Variants in RIPK4 observed in about 807,000 individuals in gnomAD.
The protein encoded by RIPK4 is receptor-interacting serine/threonine-protein kinase 4.
In RIPK4, 17 loss-of-function variants were observed where a neutral mutation model predicts 42.9. The ratio of observed to expected loss-of-function variants is 0.40; its 90% CI spans 0.27 to 0.59. The LOEUF is 0.59. RIPK4 is among the 20% of genes least tolerant of loss of function. RIPK4 has a pLI of 0.47. For missense variants in RIPK4, 897 were observed against 1,104.4 expected (o/e 0.81, Z 2.66); for synonymous variants, 498 against 499.1 (o/e 1.00, Z 0.03).
chr21:41,765,554 G>A (rs1042549680), intron 1 of RIPK4, among the ~76,000 whole-genome samples: 8 of 152,246 alleles, frequency 5.3e-5, no homozygotes, highest in Non-Finnish European at 1.2e-4. Context: ...CATCCACAGA[G>A]GCGTCACAGT....
chr21:41,766,874 C>T lies in RIPK4; in HGVS notation c.168G>A (p.Leu56=). 1.2e-6 allele frequency: 2 copies of T among 1,609,536 alleles called. No homozygotes were observed. The highest frequency in any genetic ancestry group is 2.7e-5 in the African/African-American group (2 of 74,470). Residue 56 remains leucine, a synonymous_variant, in exon 1 of 8, where the codon CTG becomes CTA. Transcript: ENST00000332512. ...TWLAIKCSPS[L]HVDDRERMEL... is the part of the protein sequence containing the mutation. ...GGGCCGCTCACCTGTCGTCGACGTGCAGGCTGGGCGAGCACTTGATGGCCA... is the reference window on the plus strand; with the variant it reads ...GGGCCGCTCACCTGTCGTCGACGTGTAGGCTGGGCGAGCACTTGATGGCCA...
rs751915794 is a variant in RIPK4, at chr21:41,744,103, G to A, written c.974C>T (p.Thr325Ile). 5.0e-6 allele frequency: 8 copies of A among 1,606,830 alleles called. No individual in the cohort carries two copies. In the Admixed American group the frequency reaches 1.0e-4, roughly 20 times the overall value. The change falls in exon 7 of 8, where the codon ACC becomes ATC. Residue 325 changes from threonine to isoleucine, a missense_variant. Physicochemically the swap from Thr to Ile is moderately conservative, Grantham distance 89. Transcript: ENST00000332512. Reference sequence around the variant, plus strand: ...GGAGAGGCTGTAGTCGTTATCGAAGGTGGGGGCAGAGGCCCGCTTGAGCCT... The same window carrying A: ...GGAGAGGCTGTAGTCGTTATCGAAGATGGGGGCAGAGGCCCGCTTGAGCCT... ...PARLKRASAP[T>I]FDNDYSLSEL...
chr21:41,746,637 G>T lies in RIPK4; in HGVS notation c.808C>A (p.Pro270Thr). The T allele has an allele frequency of 6.2e-7, 1 of 1,610,518 alleles. No individual in the cohort carries two copies. Among genetic ancestry groups the T allele is most frequent in the Non-Finnish European group, 8.5e-7 (1 of 1,179,770 alleles). Residue 270 changes from proline to threonine, a missense_variant, in exon 5 of 8, where the codon CCG (proline) becomes ACG (threonine). Transcript: ENST00000332512. ...RLMQRCWQGD[P>T]RVRPTFQEIT... ...CCTTGGAAGGTGGGCCTAACTCGCG[G>T]ATCCCCCTGCCAGCACCGCTGCATG...
At chr21:41,744,178 G>A (rs764773500) in intron 6 of RIPK4, 38 bp from the exon 7 acceptor site, 1 of 1,524,350 alleles carries the variant, frequency 6.6e-7, no homozygotes, top group Non-Finnish European at 8.8e-7. Context: ...TGAAGACCCT[G>A]CCATAGACCG....
At chr21:41,765,526 G>A (rs2061233387) in intron 1 of RIPK4, among the ~76,000 whole-genome samples, 1 of 151,814 alleles carries the variant, frequency 6.6e-6, no homozygotes, top group African/African-American at 2.4e-5. Flanking sequence ...AAAATGCAAA[G>A]GGAGAGGACA....
chr21:41,741,534 C>T lies in RIPK4; in HGVS notation c.1659G>A (p.Val553=). The change falls in exon 8 of 8, where the codon GTG becomes GTA. Residue 553 remains valine, a synonymous_variant. Coordinates refer to ENST00000332512, the MANE Select transcript of RIPK4 (RefSeq NM_020639.3). ...VACQHGQENI[V]RILLRRGVDV... ...CCACGCCTCGGCGCAGCAGGATGCG[C>T]ACGATATTCTCCTGCCCGTGCTGGC... The T allele has an allele frequency of 6.2e-7, 1 of 1,612,396 alleles. No individual in the cohort carries two copies. The highest frequency in any genetic ancestry group is 8.5e-7 in the Non-Finnish European group (1 of 1,180,002).
At chr21:41,743,127 G>C (rs1467500591) in intron 7 of RIPK4, among the ~76,000 whole-genome samples, 1 of 152,116 alleles carries the variant, frequency 6.6e-6, no homozygotes, top group Non-Finnish European at 1.5e-5. Context: ...CGAGATTGCA[G>C]CCTTGGCCCT....
At chr21:41,754,456 C>A (rs1003235714) in intron 2 of RIPK4, among the ~76,000 whole-genome samples, 2 of 152,206 alleles carry the variant, frequency 1.3e-5, no homozygotes, top group African/African-American at 4.8e-5. Context: ...GTCCCAGGGG[C>A]ACCACACAGA....
chr21:41,755,194 G>A lies in RIPK4; in HGVS notation c.474+1331C>T, dbSNP rs1008996353. 2.6e-5 allele frequency among the ~76,000 whole-genome samples: 4 copies of A among 152,174 alleles called. No homozygotes were observed. Among genetic ancestry groups the A allele is most frequent in the African/African-American group, 9.7e-5 (4 of 41,434 alleles). On this transcript the variant is annotated intron_variant, in intron 2 of 7. Coordinates refer to ENST00000332512, the MANE Select transcript of RIPK4 (RefSeq NM_020639.3). The surrounding 1 kb of genome is among the most constrained non-coding windows in gnomAD (Gnocchi z 4.2). ...GGGTCCCAGAACATAAGCAGATGCG[G>A]GAAACCACCAGAGAGCCCGTTCAAG...
At position 41,741,038 on chromosome 21, in the gene RIPK4, C is replaced by G. The variant is rs1371859857; in HGVS notation, c.2155G>C (p.Val719Leu). 8 of 1,609,584 alleles carry G rather than the reference C, an allele frequency of 5.0e-6. No individual in the cohort carries two copies. Among genetic ancestry groups the G allele is most frequent in the Non-Finnish European group, 5.9e-6 (7 of 1,179,284 alleles). Residue 719 changes from valine (V) to leucine (L), a missense_variant, in exon 8 of 8, where the codon GTG (valine) becomes CTG (leucine). Coordinates refer to ENST00000332512, the MANE Select transcript of RIPK4 (RefSeq NM_020639.3). ...ACATCGGCGCTGACCAACTCCTCCA[C>G]CACCTCCGAGTGCCCGTGGGCGGCA... ...LAAAHGHSEV[V>L]EELVSADVID...
chr21:41,760,722 C>G (rs548516370), intron 1 of RIPK4, among the ~76,000 whole-genome samples: 1 of 151,726 alleles, frequency 6.6e-6, no homozygotes, highest in Non-Finnish European at 1.5e-5. Context: ...CAGCTCTCTA[C>G]GGTGGACGCG....
chr21:41,766,833 C>T, intron 1 of RIPK4, 27 bp downstream of exon 1: 1 of 1,593,828 alleles, frequency 6.3e-7, no homozygotes, highest in African/African-American at 1.4e-5. Context: ...GCCCCAGCCG[C>T]CCCAGCGCCC....
At position 41,741,662 on chromosome 21, in the gene RIPK4, C is replaced by T. The variant is rs1676494343; in HGVS notation, c.1531G>A (p.Ala511Thr). The stretch of plus-strand genomic sequence containing the variant: ...CTAGACTCGTCCCCGTTCTGGGCTG[C>T]AAAGTGGAGGGCTGTCCACTGGTCC... ...DEDQWTALHF[A>T]AQNGDESSTR... Residue 511 changes from alanine (A) to threonine (T), a missense_variant, in exon 8 of 8, where the codon GCA becomes ACA. Coordinates refer to ENST00000332512, the MANE Select transcript of RIPK4 (RefSeq NM_020639.3). The T allele has an allele frequency of 1.2e-6, 2 of 1,613,630 alleles. No individual in the cohort carries two copies. Among genetic ancestry groups the T allele is most frequent in the Non-Finnish European group, 1.7e-6 (2 of 1,180,020 alleles).
chr21:41,752,644 C>T (rs1470991477), intron 2 of RIPK4, among the ~76,000 whole-genome samples: 5 of 152,216 alleles, frequency 3.3e-5, no homozygotes, highest in Admixed American at 1.3e-4. Flanking sequence ...CTGCAAACCC[C>T]GGCGGCTGCT....
At position 41,739,981 on chromosome 21, in the gene RIPK4, G is replaced by A. The variant is rs1278690434; in HGVS notation, c.*857C>T. On this transcript the variant is annotated 3_prime_UTR_variant, in exon 8 of 8. Transcript: ENST00000332512. ...CTCCTGCACCTCTTCCCCAAGACTG[G>A]TGCACTCCAGCGACCTGAGGGGGCT... 1 of 152,224 alleles carries A rather than the reference G, an allele frequency of 6.6e-6. No homozygotes were observed. Among genetic ancestry groups the A allele is most frequent in the African/African-American group, 2.4e-5 (1 of 41,452 alleles). The allele number at this position is 152,224 out of a possible 1,614,324, so 9.4% of individuals were successfully genotyped here. A position where few individuals can be genotyped will look rare whatever the true frequency, so the allele number is the denominator to read the frequency against.
chr21:41,761,107 G>C (rs77018664), intron 1 of RIPK4, among the ~76,000 whole-genome samples: 2,059 of 152,314 alleles, frequency 0.014, 43 homozygotes, highest in African/African-American at 0.046. Context: ...AGGGATGGGG[G>C]GTGCAGATCA....
At chr21:41,760,903 T>C (rs2146060291) in intron 1 of RIPK4, among the ~76,000 whole-genome samples, 1 of 152,310 alleles carries the variant, frequency 6.6e-6, no homozygotes, top group East Asian at 1.9e-4. Context: ...CGGCCTGCTT[T>C]CCTAGCGCTC....
chr21:41,745,630 G>T, intron 6 of RIPK4, 129 bp downstream of exon 6: 1 of 674,620 alleles, frequency 1.5e-6, no homozygotes, highest in East Asian at 2.6e-5. Flanking sequence ...AATGGAGTTG[G>T]GTGCGGGATG....
intron 1 of RIPK4, among the ~76,000 whole-genome samples, chr21:41,763,605 A>C (rs2061227474): frequency 6.6e-6 from 1 of 152,238 alleles, no homozygotes; most frequent in Non-Finnish European, 1.5e-5. Context: ...ATGCAGCCGG[A>C]AAATGTGTTT....
Sources: allele counts gnomAD v4.1 joint callset (sites outside exome capture counted in the v4.1 genomes callset), GRCh38; gene constraint gnomAD v4.1.1; non-coding constraint Gnocchi (gnomAD v3.1); transcripts MANE v1.5; gene names NCBI Gene and HGNC (gene_info 2026-07-23, HGNC 2026-07-21).